Variants in EYS observed in about 807,000 individuals in gnomAD.
EYS encodes EGF-like photoreceptor maintenance factor.
EYS carries 250 observed loss-of-function variants against 282.1 expected under a neutral mutation model. The observed-to-expected ratio is 0.89, with a 90% CI of 0.80 to 0.98. The LOEUF is 0.98. Ranked by LOEUF, EYS falls within the 50% of genes least tolerant of loss-of-function variation. EYS has a pLI of 0.00. For synonymous variants in EYS, 1,355 were observed against 1,282.9 expected (o/e 1.06, Z -1.20); for missense variants, 4,016 against 3,709.0 (o/e 1.08, Z -2.15).
rs886442315 is a variant in EYS, at chr6:64,431,587, C to A, written c.5927+4587G>T. 3.3e-5 allele frequency among the ~76,000 whole-genome samples: 5 copies of A among 151,962 alleles called. No individual in the cohort carries two copies. The East Asian group carries it at 9.7e-4, about 29-fold the overall frequency. Reference sequence around the variant, plus strand: ...TATTGGGTACTGTAGGTTAGCCTACCCTATTAAGGACAGTGAGTACTCCTT... The same window carrying A: ...TATTGGGTACTGTAGGTTAGCCTACACTATTAAGGACAGTGAGTACTCCTT... On this transcript the variant is annotated intron_variant, in intron 28 of 42. Coordinates refer to ENST00000503581, the MANE Select transcript of EYS (RefSeq NM_001142800.2).
chr6:64,086,273 T>G (rs1440221205), intron 31 of EYS, among the ~76,000 whole-genome samples: 2 of 152,208 alleles, frequency 1.3e-5, no homozygotes, highest in Non-Finnish European at 2.9e-5. Flanking sequence ...TTCCTTCTGC[T>G]ACCACAACCC....
chr6:65,326,344 AT>A (rs1470696651), intron 11 of EYS, among the ~76,000 whole-genome samples: 2 of 150,922 alleles, frequency 1.3e-5, no homozygotes, highest in Non-Finnish European at 3.0e-5. Context: ...AAATGGTGTA[AT>A]TTTTTTCTAC....
At chr6:63,724,145 C>T (rs1768523317) in intron 42 of EYS, among the ~76,000 whole-genome samples, 1 of 152,114 alleles carries the variant, frequency 6.6e-6, no homozygotes. Context: ...AATGAACAGT[C>T]CTTACAAGAA....
chr6:65,339,993 G>C (rs1278862064), intron 10 of EYS, among the ~76,000 whole-genome samples: 1 of 151,200 alleles, frequency 6.6e-6, no homozygotes, highest in Non-Finnish European at 1.5e-5. Context: ...CTGAAGTTTA[G>C]TCAAGGTGAG....
chr6:65,409,903 C>A (rs1245802307), intron 5 of EYS, among the ~76,000 whole-genome samples: 1 of 151,926 alleles, frequency 6.6e-6, no homozygotes, highest in African/African-American at 2.4e-5. Flanking sequence ...TGTTCAGTGA[C>A]CACACCATTG....
At chr6:65,010,906 A>T (rs191734724) in intron 13 of EYS, among the ~76,000 whole-genome samples, 1 of 152,318 alleles carries the variant, frequency 6.6e-6, no homozygotes, top group Admixed American at 6.5e-5. Flanking sequence ...TGGCTGTCTT[A>T]CACTGCTGGG....
At chr6:64,390,183 A>T (rs1394919858) in intron 28 of EYS, among the ~76,000 whole-genome samples, 2 of 152,168 alleles carry the variant, frequency 1.3e-5, no homozygotes, top group African/African-American at 4.8e-5. Flanking sequence ...GCAAGGAGGC[A>T]GCGAGGCTGG....
chr6:64,037,011 A>C (rs1407262249), intron 33 of EYS, among the ~76,000 whole-genome samples: 5 of 152,186 alleles, frequency 3.3e-5, no homozygotes, highest in African/African-American at 1.2e-4. Flanking sequence ...TGTTTTGGAA[A>C]TGTGGAGCCT....
At position 63,721,694 on chromosome 6, in the gene EYS, G is replaced by A. The variant is rs745351348; in HGVS notation, c.8337C>T (p.Asn2779=). Residue 2779 remains asparagine, a synonymous_variant, in exon 43 of 43, where the codon AAC becomes AAT. Coordinates refer to ENST00000503581, the MANE Select transcript of EYS (RefSeq NM_001142800.2). ...ILETLQKVTI[N]GSTWHIIKAG... The stretch of plus-strand genomic sequence containing the variant: ...CTTTTATTATATGCCAAGTACTTCC[G>A]TTTATAGTTACTTTTTGGAGAGTTT... 3.2e-6 allele frequency: 5 copies of A among 1,551,160 alleles called. No homozygotes were observed. The highest frequency in any genetic ancestry group is 2.0e-5 in the Admixed American group (1 of 50,950).
intron 26 of EYS, among the ~76,000 whole-genome samples, chr6:64,534,937 A>G (rs1327389646): frequency 6.6e-6 from 1 of 152,138 alleles, no homozygotes; most frequent in African/African-American, 2.4e-5. Context: ...ACACACACAT[A>G]CATACACATA....
At chr6:65,428,401 T>C (rs1767745557) in intron 5 of EYS, among the ~76,000 whole-genome samples, 1 of 152,152 alleles carries the variant, frequency 6.6e-6, no homozygotes, top group Admixed American at 6.5e-5. Flanking sequence ...CATCAAACAC[T>C]TGTATTGCGC....
At chr6:65,569,534 A>G (rs1764406512) in intron 2 of EYS, among the ~76,000 whole-genome samples, 1 of 152,154 alleles carries the variant, frequency 6.6e-6, no homozygotes, top group South Asian at 2.1e-4. Flanking sequence ...GCTGGTGGCC[A>G]CAAGATTCCG....
intron 12 of EYS, among the ~76,000 whole-genome samples, chr6:65,114,403 G>C (rs1312370186): frequency 6.7e-6 from 1 of 148,476 alleles, no homozygotes; most frequent in African/African-American, 2.5e-5. Context: ...GTTCCAGAAG[G>C]ACTTGAACTG....
intron 22 of EYS, among the ~76,000 whole-genome samples, chr6:64,635,849 G>C (rs1245613528): frequency 1.3e-5 from 2 of 152,172 alleles, no homozygotes; most frequent in East Asian, 3.9e-4. Flanking sequence ...AAATGAGTTA[G>C]GGAGGATTCC....
At chr6:64,138,829 G>T (rs1774247195) in intron 31 of EYS, among the ~76,000 whole-genome samples, 1 of 152,180 alleles carries the variant, frequency 6.6e-6, no homozygotes. Flanking sequence ...ATTATGATGT[G>T]TTAATGTTGG....
chr6:65,396,161 T>C (rs971267332), intron 7 of EYS, among the ~76,000 whole-genome samples: 1 of 152,152 alleles, frequency 6.6e-6, no homozygotes, highest in East Asian at 1.9e-4. Context: ...GTTTATTTAT[T>C]TGCAACATTA....
chr6:65,226,141 A>T (rs1766620202), intron 12 of EYS, among the ~76,000 whole-genome samples: 1 of 152,140 alleles, frequency 6.6e-6, no homozygotes, highest in Admixed American at 6.5e-5. Flanking sequence ...AAAAAAATCT[A>T]TTAGCATTAA....
chr6:65,512,624 G>C (rs1766940258), intron 2 of EYS, among the ~76,000 whole-genome samples: 1 of 151,696 alleles, frequency 6.6e-6, no homozygotes, highest in African/African-American at 2.4e-5. Flanking sequence ...TAGAACTCAG[G>C]ATTAAGAAAC....
intron 22 of EYS, among the ~76,000 whole-genome samples, chr6:64,720,212 T>C (rs1168296561): frequency 2.6e-5 from 4 of 152,138 alleles, no homozygotes; most frequent in Non-Finnish European, 5.9e-5. Flanking sequence ...TCCTCCCTCT[T>C]CAAAGCCAGC....
Sources: allele counts gnomAD v4.1 joint callset (sites outside exome capture counted in the v4.1 genomes callset), GRCh38; gene constraint gnomAD v4.1.1; transcripts MANE v1.5; gene names NCBI Gene and HGNC (gene_info 2026-07-23, HGNC 2026-07-21).